KATNAL1: variants seen among roughly 807,000 people sequenced by gnomAD.
The protein encoded by KATNAL1 is katanin p60 ATPase-containing subunit A-like 1.
Under a neutral mutation model 55.2 loss-of-function variants are expected in KATNAL1, and 32 were observed. The observed-to-expected ratio is 0.58, with a 90% CI of 0.44 to 0.78. KATNAL1 has a LOEUF of 0.78. KATNAL1 is among the 30% of genes least tolerant of loss of function. The probability of loss-of-function intolerance (pLI) is 0.00; values close to 1 mark genes in which losing one functional copy is unlikely to be tolerated. For synonymous variants in KATNAL1, 193 were observed against 193.6 expected, an observed-to-expected ratio of 1.00 and a Z score of 0.02; for missense variants, 466 against 600.9, an observed-to-expected ratio of 0.78 and a Z score of 2.35.
At chr13:30,219,915 C>T (rs559174869) in intron 9 of KATNAL1, among the ~76,000 whole-genome samples, 1 of 152,166 alleles carries the variant, frequency 6.6e-6, no homozygotes, top group Non-Finnish European at 1.5e-5. Context: ...TGTCTTTCCC[C>T]TAATACCTAA....
intron 4 of KATNAL1, among the ~76,000 whole-genome samples, chr13:30,249,959 AT>A (rs1441373300): frequency 6.6e-6 from 1 of 152,242 alleles, no homozygotes; most frequent in Non-Finnish European, 1.5e-5. Context: ...AATAAGTTGT[AT>A]TTTTAAAAAA....
intron 4 of KATNAL1, among the ~76,000 whole-genome samples, chr13:30,248,643 C>T (rs958890242): frequency 2.6e-5 from 4 of 152,218 alleles, no homozygotes; most frequent in Non-Finnish European, 4.4e-5. Context: ...AGACTGACAA[C>T]GCCGGGCGCA....
At chr13:30,244,295 A>G (rs1343760171) in intron 4 of KATNAL1, among the ~76,000 whole-genome samples, 1 of 152,122 alleles carries the variant, frequency 6.6e-6, no homozygotes, top group Admixed American at 6.6e-5. Context: ...ATTCCATGGT[A>G]TATGTGCCAC....
intron 3 of KATNAL1, among the ~76,000 whole-genome samples, chr13:30,277,474 C>T (rs1256661756): frequency 6.6e-6 from 1 of 152,134 alleles, no homozygotes; most frequent in African/African-American, 2.4e-5. Context: ...TTCCATTAAA[C>T]CAAGAATATC....
chr13:30,276,521 A>C (rs1174457977), intron 3 of KATNAL1, among the ~76,000 whole-genome samples: 2 of 151,296 alleles, frequency 1.3e-5, no homozygotes, highest in Non-Finnish European at 2.9e-5. Flanking sequence ...GATGGCAAAA[A>C]AAAAAAAAAA....
chr13:30,296,511 G>T, intron 1 of KATNAL1: 1 of 731,094 alleles, frequency 1.4e-6, no homozygotes, highest in Admixed American at 1.8e-5. Flanking sequence ...TGAGTGCATT[G>T]CCTACTGGGG....
intron 3 of KATNAL1, among the ~76,000 whole-genome samples, chr13:30,269,959 G>A (rs1447665112): frequency 1.4e-4 from 20 of 146,552 alleles, no homozygotes; most frequent in South Asian, 4.4e-4. Flanking sequence ...ACCTCTGCCC[G>A]GCCACCCCTA....
intron 5 of KATNAL1, 151 bp downstream of exon 5, chr13:30,240,808 T>C: frequency 2.5e-6 from 2 of 799,814 alleles, no homozygotes; most frequent in Non-Finnish European, 3.8e-6. Context: ...CTTGGTTACA[T>C]TCGACAGAAC....
At chr13:30,265,367 G>T (rs1879669688) in intron 3 of KATNAL1, among the ~76,000 whole-genome samples, 1 of 148,278 alleles carries the variant, frequency 6.7e-6, no homozygotes, top group Non-Finnish European at 1.5e-5. Flanking sequence ...AAAATTTAAA[G>T]TATAATAATA....
At position 30,284,857 on chromosome 13, in the gene KATNAL1, T is replaced by C. The variant is rs1593948288; in HGVS notation, c.-14-1066A>G. Among the ~76,000 whole-genome samples, 3 of 152,204 alleles carry C rather than the reference T, an allele frequency of 2.0e-5. No individual in the cohort carries two copies. In the South Asian group the frequency reaches 6.2e-4, roughly 31 times the overall value. On this transcript the variant is annotated intron_variant, in intron 1 of 10. Transcript: ENST00000380615. ...GTCTCCTAGAATCATCCAAGGCTTC[T>C]ATGCAAAGATACTTTCCTCCCAAGA...
rs1333396060 is a variant in KATNAL1, at chr13:30,220,680, A to G, written c.1147+6732T>C. ...ATAAGCGTATTATTTTATGAGCTCA[A>G]TCAGTAAATTCTTTTTCTTGTTTTT... On this transcript the variant is annotated intron_variant, in intron 9 of 10. Transcript: ENST00000380615. Among the ~76,000 whole-genome samples, 5 of 152,142 alleles carry G rather than the reference A, an allele frequency of 3.3e-5. No homozygotes were observed. The East Asian group carries it at 9.7e-4, about 29-fold the overall frequency.
At chr13:30,247,663 G>A (rs1877920055) in intron 4 of KATNAL1, among the ~76,000 whole-genome samples, 1 of 152,178 alleles carries the variant, frequency 6.6e-6, no homozygotes, top group Non-Finnish European at 1.5e-5. Context: ...GAAATGAGAG[G>A]AGGGGAGAAA....
intron 9 of KATNAL1, among the ~76,000 whole-genome samples, chr13:30,216,242 T>C (rs1372398196): frequency 6.6e-6 from 1 of 152,094 alleles, no homozygotes; most frequent in Admixed American, 6.5e-5. Flanking sequence ...AGCAATACAT[T>C]ATCTCCATAA....
chr13:30,251,163 T>C (rs1461247602), intron 4 of KATNAL1, among the ~76,000 whole-genome samples: 2 of 150,094 alleles, frequency 1.3e-5, no homozygotes, highest in Non-Finnish European at 3.0e-5. Flanking sequence ...AAAAAAATAC[T>C]TGAGAATCAG....
chr13:30,209,064 G>A (rs112747676), intron 10 of KATNAL1, among the ~76,000 whole-genome samples: 53 of 152,266 alleles, frequency 3.5e-4, no homozygotes, highest in African/African-American at 1.3e-3. Flanking sequence ...ATACTGAATT[G>A]TACACTTGGA....
chr13:30,284,109 C>G (rs1196061775), intron 1 of KATNAL1, among the ~76,000 whole-genome samples: 5 of 152,162 alleles, frequency 3.3e-5, no homozygotes, highest in Admixed American at 2.6e-4. Context: ...ATCCACCCAC[C>G]TAAGCCTCCC....
At chr13:30,282,651 A>AAAAGAAAG (rs199901099) in intron 2 of KATNAL1, among the ~76,000 whole-genome samples, 1 of 150,896 alleles carries the variant, frequency 6.6e-6, no homozygotes, top group African/African-American at 2.4e-5. Context: ...AAAAAAAAAA[A>AAAAGAAAG]AAAGAAAGAA....
intron 9 of KATNAL1, among the ~76,000 whole-genome samples, chr13:30,218,522 C>A (rs767612274): frequency 4.6e-5 from 7 of 152,156 alleles, no homozygotes; most frequent in Non-Finnish European, 1.0e-4. Flanking sequence ...TCATCCCACA[C>A]CCATTTCTAC....
chr13:30,240,603 G>A, intron 5 of KATNAL1, 38 bp from the exon 6 acceptor site: 1 of 1,386,398 alleles, frequency 7.2e-7, no homozygotes, highest in Non-Finnish European at 1.0e-6. Context: ...TGTTTACTCA[G>A]GGATCTTTGA....
Sources: gnomAD v4.1 joint callset for allele counts (sites outside exome capture counted in the v4.1 genomes callset) on GRCh38, gnomAD v4.1.1 for gene constraint, MANE v1.5 for transcripts, NCBI Gene and HGNC (gene_info 2026-07-23, HGNC 2026-07-21) for gene names.